The following PRKCB variants were observed in gnomAD, a reference collection of about 807,000 sequenced individuals.
The protein encoded by PRKCB is protein kinase C beta type.
In PRKCB, 13 loss-of-function variants were observed where a neutral mutation model predicts 81.5. That is an observed-to-expected ratio of 0.16 (90% CI 0.10 to 0.25). The LOEUF (loss-of-function observed/expected upper bound fraction) is 0.25. Among genes scored for constraint, PRKCB ranks in the 10% least tolerant of loss-of-function variants. PRKCB has a pLI of 1.00. For synonymous variants in PRKCB, 335 were observed against 321.4 expected (o/e 1.04, Z -0.45); for missense variants, 509 against 875.7 (o/e 0.58, Z 5.29).
At chr16:23,866,763 G>C (rs1962796859) in intron 2 of PRKCB, among the ~76,000 whole-genome samples, 1 of 152,150 alleles carries the variant, frequency 6.6e-6, no homozygotes, top group Non-Finnish European at 1.5e-5. Context: ...ATGTTCTCCA[G>C]AATAGCTGGA....
At chr16:23,864,846 C>A (rs1244824569) in intron 2 of PRKCB, among the ~76,000 whole-genome samples, 1 of 152,076 alleles carries the variant, frequency 6.6e-6, no homozygotes, top group Non-Finnish European at 1.5e-5. Context: ...ACATAGTGAA[C>A]CTAGCATCTG....
intron 2 of PRKCB, among the ~76,000 whole-genome samples, chr16:23,913,708 T>G (rs1205535381): frequency 6.6e-6 from 1 of 152,244 alleles, no homozygotes; most frequent in Non-Finnish European, 1.5e-5. Flanking sequence ...AGGAAGCTCT[T>G]CTGACTTTTC....
rs1201291278 is a variant in PRKCB, at chr16:24,096,421, A to G, written c.821+2124A>G. Among the ~76,000 whole-genome samples, 5 of 151,706 alleles carry G rather than the reference A, an allele frequency of 3.3e-5. No individual in the cohort carries two copies. The South Asian group carries it at 1.0e-3, about 32-fold the overall frequency. On this transcript the variant is annotated intron_variant, in intron 7 of 16. Coordinates refer to ENST00000643927, the MANE Select transcript of PRKCB (RefSeq NM_002738.7). ...ACGTCATCATTTTCTCCCTGTTACA[A>G]TTTCTGCAAAGACAGTTCCATGACT...
intron 2 of PRKCB, among the ~76,000 whole-genome samples, chr16:23,877,286 A>G (rs1347617706): frequency 6.6e-6 from 1 of 152,174 alleles, no homozygotes; most frequent in East Asian, 1.9e-4. Context: ...GCAGTGAGCT[A>G]TGATGGCACT....
rs141827066 is a variant in PRKCB at position 24,154,818 on chromosome 16, G to T, written c.1200G>T (p.Pro400=). ...GGGTGTTGGCCCTGCCTGGGAAGCCGCCCTTCCTGACCCAGCTCCACTCCT... is the reference window on the plus strand; with the variant it reads ...GGGTGTTGGCCCTGCCTGGGAAGCCTCCCTTCCTGACCCAGCTCCACTCCT... The part of the protein sequence containing the change: ...EKRVLALPGK[P]PFLTQLHSCF... The change falls in exon 10 of 17, where the codon CCG becomes CCT. Residue 400 remains proline, a synonymous_variant. Coordinates refer to ENST00000643927, the MANE Select transcript of PRKCB (RefSeq NM_002738.7). 8.6e-4 allele frequency: 1,392 copies of T among 1,614,052 alleles called. No individual in the cohort carries two copies. Among genetic ancestry groups the T allele is most frequent in the Non-Finnish European group, 1.1e-3 (1,294 of 1,179,978 alleles).
rs1007980687 is a variant in PRKCB at position 23,865,707 on chromosome 16, G to A, written c.205+28301G>A. On this transcript the variant is annotated intron_variant, in intron 2 of 16. Coordinates refer to ENST00000643927, the MANE Select transcript of PRKCB (RefSeq NM_002738.7). ...CCAAGGGGCTCTTCTTGGGCTGGTC[G>A]CTGTATTTCATCAGGTGCCTCTGTG... Among the ~76,000 whole-genome samples, 5 of 151,240 alleles carry A rather than the reference G, an allele frequency of 3.3e-5. No homozygotes were observed. In the South Asian group the frequency reaches 6.3e-4, roughly 19 times the overall value.
In PRKCB at chr16:24,216,289, T is replaced by C; in HGVS notation, c.*1473T>C. The C allele has an allele frequency of 1.0e-6, 1 of 985,428 alleles. No homozygotes were observed. The highest frequency in any genetic ancestry group is 1.2e-6 in the Non-Finnish European group (1 of 829,932). The allele number at this position is 985,428 out of a possible 1,614,324, so 61.0% of individuals were successfully genotyped here. A position where few individuals can be genotyped will look rare whatever the true frequency, so the allele number is the denominator to read the frequency against. ...GGAACGTGAATGGGGCTCTTGATTT[T>C]CTTATCAAAATCACCACTCCTCCCA... On this transcript the variant is annotated 3_prime_UTR_variant, in exon 17 of 17. Coordinates refer to ENST00000643927, the MANE Select transcript of PRKCB (RefSeq NM_002738.7).
intron 2 of PRKCB, among the ~76,000 whole-genome samples, chr16:23,872,531 G>T (rs898041044): frequency 1.3e-5 from 2 of 151,908 alleles, no homozygotes; most frequent in African/African-American, 4.8e-5. Context: ...TAAAAAACAA[G>T]AAAAAATTAA....
intron 8 of PRKCB, among the ~76,000 whole-genome samples, chr16:24,121,285 C>A (rs1567382131): frequency 6.6e-6 from 1 of 152,206 alleles, no homozygotes; most frequent in Admixed American, 6.5e-5. Flanking sequence ...CACGTTTTTT[C>A]AGAGTATCTG....
intron 3 of PRKCB, among the ~76,000 whole-genome samples, chr16:24,020,502 C>T (rs1448387968): frequency 6.6e-6 from 1 of 152,082 alleles, no homozygotes; most frequent in Admixed American, 6.6e-5. Context: ...ATGATTTTTT[C>T]TCTTGGGAAT....
chr16:24,174,640 C>G (rs939213047), intron 12 of PRKCB, 60 bp downstream of exon 12: 7 of 1,414,190 alleles, frequency 4.9e-6, no homozygotes, highest in Admixed American at 3.8e-5. Flanking sequence ...CCCTGCCCTG[C>G]CTCTTTCTTC....
intron 2 of PRKCB, among the ~76,000 whole-genome samples, chr16:23,953,317 A>T (rs1192958101): frequency 6.6e-6 from 1 of 152,114 alleles, no homozygotes; most frequent in Admixed American, 6.5e-5. Context: ...AACCATCAAC[A>T]ATTTCCAGCT....
intron 2 of PRKCB, among the ~76,000 whole-genome samples, chr16:23,976,143 C>G (rs1228076405): frequency 6.6e-6 from 1 of 151,382 alleles, no homozygotes. Context: ...CCCATCTCTA[C>G]AAAAGAAAAA....
At chr16:24,191,337 A>G in intron 16 of PRKCB, 107 bp downstream of exon 16, 2 of 1,296,332 alleles carry the variant, frequency 1.5e-6, no homozygotes, top group Non-Finnish European at 2.2e-6. Flanking sequence ...CAATGTGTCT[A>G]CTGGAACATG....
chr16:23,837,843 C>T (rs1962194109), intron 2 of PRKCB, among the ~76,000 whole-genome samples: 1 of 152,216 alleles, frequency 6.6e-6, no homozygotes, highest in South Asian at 2.1e-4. Flanking sequence ...GTGGCTGCCG[C>T]TCCTCTGCAG....
At chr16:23,837,208 C>G in intron 1 of PRKCB, 167 bp from the exon 2 acceptor site, 1 of 800,896 alleles carries the variant, frequency 1.2e-6, no homozygotes, top group Admixed American at 2.0e-5. Flanking sequence ...TACAGCCGAG[C>G]TCCCACCTAC....
At chr16:24,005,945 A>G (rs1292238949) in intron 3 of PRKCB, among the ~76,000 whole-genome samples, 3 of 152,240 alleles carry the variant, frequency 2.0e-5, no homozygotes, top group Non-Finnish European at 4.4e-5. Context: ...AGCAGCAATG[A>G]GGGTTGAACA....
chr16:23,918,920 T>C (rs919795257), intron 2 of PRKCB, among the ~76,000 whole-genome samples: 2 of 152,248 alleles, frequency 1.3e-5, no homozygotes, highest in Non-Finnish European at 2.9e-5. Flanking sequence ...AATACTTTTA[T>C]GATTAAGGAT....
chr16:24,013,004 C>T (rs569268662), intron 3 of PRKCB, among the ~76,000 whole-genome samples: 1 of 152,312 alleles, frequency 6.6e-6, no homozygotes, highest in Non-Finnish European at 1.5e-5. Context: ...TAACTGAATG[C>T]AGTGTCTGCA....
Sources: allele counts gnomAD v4.1 joint callset (sites outside exome capture counted in the v4.1 genomes callset), GRCh38; gene constraint gnomAD v4.1.1; transcripts MANE v1.5; gene names NCBI Gene and HGNC (gene_info 2026-07-23, HGNC 2026-07-21).